The following MINAR1 variants were observed in gnomAD, a reference collection of about 807,000 sequenced individuals.
MINAR1 encodes the protein major intrinsically disordered Notch2-binding receptor 1.
A neutral mutation model predicts 65.1 loss-of-function variants in MINAR1; 40 were observed. The ratio of observed to expected loss-of-function variants is 0.61; its 90% confidence interval spans 0.48 to 0.80. MINAR1 has a LOEUF of 0.80. Among genes scored for constraint, MINAR1 ranks in the 30% least tolerant of loss-of-function variants. The probability of loss-of-function intolerance (pLI) is 0.00; values close to 1 mark genes in which losing one functional copy is unlikely to be tolerated. For synonymous variants in MINAR1, 482 were observed against 449.1 expected (o/e 1.07, Z -0.93); for missense variants, 1,128 against 1,148.0 (o/e 0.98, Z 0.25).
chr15:79,412,734 G>A, the MINAR1 span: 1 of 152,534 alleles, frequency 6.6e-6, no homozygotes, highest in Non-Finnish European at 1.5e-5. Context: ...CGCTGCCACT[G>A]CCACTACCAC....
chr15:79,463,776 G>A (rs79199469), intron 3 of MINAR1: 7,750 of 457,122 alleles, frequency 0.017, 424 homozygotes, highest in African/African-American at 0.13. Context: ...AGCCATCCCC[G>A]GAAGCTCTGT....
chr15:79,417,154 A>T, the MINAR1 span: 2 of 152,232 alleles, frequency 1.3e-5, no homozygotes, highest in Non-Finnish European at 2.9e-5. Context: ...GGCTGCTTTC[A>T]TCTTCTCTGC....
chr15:79,422,770 GA>G, the MINAR1 span: 1 of 152,180 alleles, frequency 6.6e-6, no homozygotes, highest in African/African-American at 2.4e-5. Flanking sequence ...GGGCAGATAA[GA>G]GAGAAGGTGA....
Position 79,456,124 on chromosome 15 carries a change from A to C in MINAR1, c.-24A>C. ...ACTGACCTGAAGTTTCAGTGTAGTC[A>C]GAGAGCTCTTCAAGTAATAAATCAT... On this transcript the variant is annotated 5_prime_UTR_variant, in exon 2 of 4. Coordinates refer to ENST00000305428, the MANE Select transcript of MINAR1 (RefSeq NM_015206.3). 1 of 1,602,966 alleles carries C rather than the reference A, an allele frequency of 6.2e-7. No individual in the cohort carries two copies. The highest frequency in any genetic ancestry group is 8.5e-7 in the Non-Finnish European group (1 of 1,172,916).
chr15:79,463,851 C>A, intron 3 of MINAR1: 1 of 430,684 alleles, frequency 2.3e-6, no homozygotes, highest in Non-Finnish European at 4.7e-6. Context: ...GTTTTGGCCA[C>A]ACTTTTATTT....
intron 1 of MINAR1, among the ~76,000 whole-genome samples, chr15:79,450,240 C>T (rs1895145942): frequency 6.6e-6 from 1 of 152,170 alleles, no homozygotes; most frequent in Non-Finnish European, 1.5e-5. Context: ...ACTGTGGTCC[C>T]ATCCAGCCCG....
chr15:79,432,277 C>T (rs1043841649), upstream of MINAR1, among the ~76,000 whole-genome samples: 5 of 152,118 alleles, frequency 3.3e-5, no homozygotes, highest in African/African-American at 7.2e-5. Context: ...GCGCGCTGGC[C>T]CTGGCCGGGA....
In MINAR1 at chr15:79,470,987, GCCTTCCTTCCCTGAC is replaced by G. The variant is rs1896057511; in HGVS notation, c.*2607_*2621del. Reference sequence around the variant, plus strand: ...TGCCATTGACCCCAAGCTCACCCCAGCCTTCCTTCCCTGACCCTGAGACTCACCCTATCTATCTCC... The same window carrying G: ...TGCCATTGACCCCAAGCTCACCCCAGCCTGAGACTCACCCTATCTATCTCC... On this transcript the variant is annotated 3_prime_UTR_variant, in exon 4 of 4. Transcript: ENST00000305428. 6.6e-6 allele frequency: 1 copy of G among 152,152 alleles called. No individual in the cohort carries two copies. 9.4% of individuals were successfully genotyped at this position (152,152 alleles called of 1,614,324 possible).
Position 79,468,686 on chromosome 15 carries a change from G to A in MINAR1, c.*302G>A. ...TGAATATTCCAAGCCAAAAAAGGAA[G>A]ATTAATTGGGTTCTTTCCATTTTGA... On this transcript the variant is annotated 3_prime_UTR_variant, in exon 4 of 4. Coordinates refer to ENST00000305428, the MANE Select transcript of MINAR1 (RefSeq NM_015206.3). 3.0e-6 allele frequency: 1 copy of A among 338,284 alleles called. No homozygotes were observed. The highest frequency in any genetic ancestry group is 6.0e-5 in the East Asian group (1 of 16,744). The allele number at this position is 338,284 out of a possible 1,614,324, so 21.0% of individuals were successfully genotyped here. A position where few individuals can be genotyped will look rare whatever the true frequency, so the allele number is the denominator to read the frequency against.
At chr15:79,447,033 C>T (rs770691835) in intron 1 of MINAR1, among the ~76,000 whole-genome samples, 1 of 152,072 alleles carries the variant, frequency 6.6e-6, no homozygotes, top group African/African-American at 2.4e-5. Context: ...ATTACAGGTG[C>T]ATGCCACCAT....
intron 3 of MINAR1, among the ~76,000 whole-genome samples, chr15:79,467,698 C>T (rs1476579517): frequency 6.6e-6 from 1 of 152,174 alleles, no homozygotes; most frequent in African/African-American, 2.4e-5. Context: ...AACTGCTCAT[C>T]TTGGAGGTTC....
At chr15:79,453,160 G>GC (rs1895293977) in intron 1 of MINAR1, among the ~76,000 whole-genome samples, 1 of 151,892 alleles carries the variant, frequency 6.6e-6, no homozygotes, top group Admixed American at 6.6e-5. Flanking sequence ...GAATGTCCGT[G>GC]CCCCCCTCTC....
At position 79,457,938 on chromosome 15, in the gene MINAR1, C is replaced by T. The variant is rs780754491; in HGVS notation, c.1791C>T (p.Cys597=). ...HSEEELKTSV[C]KLVLRIGEIE... ...AAGAAGAGCTGAAGACCAGTGTGTGCAAACTGGTGCTCAGGATTGGCGAAA... is the reference window on the plus strand; with the variant it reads ...AAGAAGAGCTGAAGACCAGTGTGTGTAAACTGGTGCTCAGGATTGGCGAAA... Residue 597 remains cysteine (C), a synonymous_variant, in exon 2 of 4, where the codon TGC becomes TGT. Transcript: ENST00000305428. The T allele has an allele frequency of 1.1e-5, 18 of 1,613,996 alleles. No individual in the cohort carries two copies. The highest frequency in any genetic ancestry group is 1.4e-5 in the Non-Finnish European group (17 of 1,180,002).
the MINAR1 span, chr15:79,420,427 A>G: frequency 6.6e-6 from 1 of 152,232 alleles, no homozygotes; most frequent in African/African-American, 2.4e-5. Flanking sequence ...ATTTTTGGAA[A>G]AATAATTACA....
Position 79,457,543 on chromosome 15 carries a change from C to A in MINAR1, c.1396C>A (p.Gln466Lys), listed in dbSNP as rs1474126837. The change falls in exon 2 of 4, where the codon CAG becomes AAG. Residue 466 changes from glutamine (Q) to lysine (K), a missense_variant. Coordinates refer to ENST00000305428, the MANE Select transcript of MINAR1 (RefSeq NM_015206.3). ...KDKSINCTSG[Q>K]LSSDTSSVGT... ...CAAGAGCATTAACTGCACCAGTGGGCAGCTCAGCTCAGACACCAGTAGCGT... is the reference window on the plus strand; with the variant it reads ...CAAGAGCATTAACTGCACCAGTGGGAAGCTCAGCTCAGACACCAGTAGCGT... 1 of 1,614,060 alleles carries A rather than the reference C, an allele frequency of 6.2e-7. No individual in the cohort carries two copies. Among genetic ancestry groups the A allele is most frequent in the Non-Finnish European group, 8.5e-7 (1 of 1,180,014 alleles).
chr15:79,439,354 A>AGGG (rs143459996), intron 1 of MINAR1, among the ~76,000 whole-genome samples: 1 of 51,390 alleles, frequency 1.9e-5, no homozygotes, highest in Non-Finnish European at 3.5e-5. Context: ...GTGTGTGGGT[A>AGGG]ATGAGATGTG....
intron 1 of MINAR1, among the ~76,000 whole-genome samples, chr15:79,433,794 G>A (rs984017715): frequency 6.6e-6 from 1 of 152,204 alleles, no homozygotes; most frequent in African/African-American, 2.4e-5. Flanking sequence ...CGCCCTGCAG[G>A]TGGAAGCTAG....
Position 79,470,571 on chromosome 15 carries a change from A to T in MINAR1, c.*2187A>T, listed in dbSNP as rs1323182223. 1 of 152,036 alleles carries T rather than the reference A, an allele frequency of 6.6e-6. No individual in the cohort carries two copies. Among genetic ancestry groups the T allele is most frequent in the Non-Finnish European group, 1.5e-5 (1 of 68,026 alleles). The allele number at this position is 152,036 out of a possible 1,614,324, so 9.4% of individuals were successfully genotyped here. On this transcript the variant is annotated 3_prime_UTR_variant, in exon 4 of 4. Transcript: ENST00000305428. ...CCCTTGGTGAATCTATTCCTAGTGG[A>T]CCCCATTTGGGCATGTGCCTAGCTA...
At chr15:79,420,496 C>G in the MINAR1 span, 18 of 152,170 alleles carry the variant, frequency 1.2e-4, no homozygotes, top group Admixed American at 3.9e-4. Context: ...ACTTGGTGGT[C>G]CCTCTAGAGA....
Sources: allele counts gnomAD v4.1 joint callset (sites outside exome capture counted in the v4.1 genomes callset), GRCh38; gene constraint gnomAD v4.1.1; transcripts MANE v1.5; gene names NCBI Gene and HGNC (gene_info 2026-07-23, HGNC 2026-07-21).